PDE4D: variants seen among roughly 807,000 people sequenced by gnomAD.
The protein encoded by PDE4D is 3',5'-cyclic-AMP phosphodiesterase 4D.
PDE4D carries 24 observed loss-of-function variants against 87.4 expected under a neutral mutation model. The observed-to-expected ratio is 0.27, with a 90% CI of 0.20 to 0.39. The LOEUF (loss-of-function observed/expected upper bound fraction) is 0.39. Ranked by LOEUF, PDE4D falls within the 10% of genes least tolerant of loss-of-function variation. The probability of loss-of-function intolerance (pLI) is 1.00; values close to 1 mark genes in which losing one functional copy is unlikely to be tolerated. For synonymous variants in PDE4D, 384 were observed against 383.2 expected, an observed-to-expected ratio of 1.00 and a Z score of -0.02; for missense variants, 714 against 1,041.0, an observed-to-expected ratio of 0.69 and a Z score of 4.32.
intron 1 of PDE4D, among the ~76,000 whole-genome samples, chr5:59,564,382 C>A (rs1437683835): frequency 6.6e-6 from 1 of 152,160 alleles, no homozygotes; most frequent in Non-Finnish European, 1.5e-5. Context: ...CTGCCATGAA[C>A]TTGGAAGTGA....
chr5:60,290,426 G>A (rs1434856885), intron 1 of PDE4D, among the ~76,000 whole-genome samples: 1 of 152,056 alleles, frequency 6.6e-6, no homozygotes, highest in African/African-American at 2.4e-5. Context: ...GACTATAGAC[G>A]AGCAGAGAAT....
intron 1 of PDE4D, among the ~76,000 whole-genome samples, chr5:59,296,901 A>G (rs1012867431): frequency 6.6e-6 from 1 of 152,064 alleles, no homozygotes; most frequent in Non-Finnish European, 1.5e-5. Context: ...TAAATGGAGT[A>G]TTTTTCTCCT....
At chr5:59,253,451 T>C (rs1434418161) in intron 1 of PDE4D, among the ~76,000 whole-genome samples, 1 of 152,094 alleles carries the variant, frequency 6.6e-6, no homozygotes, top group Non-Finnish European at 1.5e-5. Flanking sequence ...AGCATCTTTA[T>C]TACTTCCATT....
chr5:59,503,987 C>T (rs766542856), intron 1 of PDE4D, among the ~76,000 whole-genome samples: 7 of 152,092 alleles, frequency 4.6e-5, no homozygotes, highest in Non-Finnish European at 1.0e-4. Context: ...ATGTCATTTA[C>T]TTTTATATAT....
At chr5:60,337,007 C>A (rs1428349887) in intron 1 of PDE4D, among the ~76,000 whole-genome samples, 1 of 151,852 alleles carries the variant, frequency 6.6e-6, no homozygotes, top group African/African-American at 2.4e-5. Flanking sequence ...AGTTGTAGAA[C>A]TATGATAACT....
intron 1 of PDE4D, among the ~76,000 whole-genome samples, chr5:59,798,826 G>A (rs1342250454): frequency 6.6e-6 from 1 of 152,166 alleles, no homozygotes; most frequent in Non-Finnish European, 1.5e-5. Flanking sequence ...TAAGGAAGGG[G>A]CTCAGTTCTA....
rs116553220 is a variant in PDE4D, at chr5:59,549,767, A to T, written c.456-333799T>A. Reference sequence around the variant, plus strand: ...CAAACACACACATGTACACATGCACAATTTATAAATAAACATCAGGATGTT... The same window carrying T: ...CAAACACACACATGTACACATGCACTATTTATAAATAAACATCAGGATGTT... On this transcript the variant is annotated intron_variant, in intron 1 of 14. Transcript: ENST00000340635. Among the ~76,000 whole-genome samples, 442 of 152,244 alleles carry T rather than the reference A, an allele frequency of 2.9e-3. 5 individuals carry two copies. The highest frequency in any genetic ancestry group is 0.01 in the African/African-American group (417 of 41,534).
chr5:59,848,945 G>A (rs55641022), intron 1 of PDE4D, among the ~76,000 whole-genome samples: 14,062 of 151,976 alleles, frequency 0.093, 2,018 homozygotes, highest in African/African-American at 0.31. Flanking sequence ...CTCCATGGGT[G>A]AGAGATGGAA....
In PDE4D at chr5:59,200,383, A is replaced by G. The variant is rs377166137; in HGVS notation, c.648-6847T>C. 8.0e-4 allele frequency among the ~76,000 whole-genome samples: 35 copies of G among 43,664 alleles called. 1 individual carries two copies. The highest frequency in any genetic ancestry group is 4.2e-3 in the African/African-American group (31 of 7,432). The allele number at this position is 43,664 out of a possible 152,430, so 28.6% of individuals were successfully genotyped here. A position where few individuals can be genotyped will look rare whatever the true frequency, so the allele number is the denominator to read the frequency against. On this transcript the variant is annotated intron_variant, in intron 2 of 14. Transcript: ENST00000340635. ...CGTGTATGTACAGCTACACGTATAC[A>G]TACACGTGTATGTACAGCTACACGT...
intron 1 of PDE4D, among the ~76,000 whole-genome samples, chr5:60,432,969 T>C (rs1435739745): frequency 6.6e-6 from 1 of 152,176 alleles, no homozygotes; most frequent in Non-Finnish European, 1.5e-5. Context: ...TGTAAAATTA[T>C]AAAAACCATT....
At chr5:59,409,062 C>T (rs974455489) in intron 1 of PDE4D, among the ~76,000 whole-genome samples, 7 of 151,496 alleles carry the variant, frequency 4.6e-5, no homozygotes, top group South Asian at 2.1e-4. Flanking sequence ...ACAGGAGAAT[C>T]GCTTGAACCC....
chr5:60,022,638 C>A (rs535976798), intron 2 of PDE4D: 24 of 152,200 alleles, frequency 1.6e-4, no homozygotes, highest in Non-Finnish European at 2.8e-4. Flanking sequence ...TCTCAGCCTG[C>A]GCTCCCAGGC....
intron 2 of PDE4D, among the ~76,000 whole-genome samples, chr5:60,113,610 C>T (rs182510595): frequency 1.3e-5 from 2 of 152,210 alleles, no homozygotes; most frequent in East Asian, 3.9e-4. Flanking sequence ...CCCCCTGAGT[C>T]TCTATGTTCC....
At chr5:60,260,927 C>T (rs961997991) in intron 1 of PDE4D, among the ~76,000 whole-genome samples, 2 of 152,042 alleles carry the variant, frequency 1.3e-5, no homozygotes, top group African/African-American at 4.8e-5. Context: ...CATTGCCAAC[C>T]TTACAAGACA....
At chr5:60,172,043 A>G (rs1783484585) in intron 2 of PDE4D, among the ~76,000 whole-genome samples, 1 of 149,284 alleles carries the variant, frequency 6.7e-6, no homozygotes, top group African/African-American at 2.4e-5. Context: ...TAATCGTATC[A>G]TAGAAAAGTT....
At chr5:60,103,795 C>T (rs183224510) in intron 2 of PDE4D, among the ~76,000 whole-genome samples, 204 of 152,126 alleles carry the variant, frequency 1.3e-3, no homozygotes, top group Middle Eastern at 3.4e-3. Context: ...AGGGAAAAAT[C>T]TAATTTACTT....
chr5:59,600,683 TTTC>T (rs1275712464), intron 1 of PDE4D, among the ~76,000 whole-genome samples: 6 of 152,140 alleles, frequency 3.9e-5, no homozygotes, highest in African/African-American at 1.2e-4. Flanking sequence ...TTTCCTCACT[TTTC>T]TTCTTCTTTC....
At chr5:60,215,740 CTG>C (rs1310704855) in intron 1 of PDE4D, among the ~76,000 whole-genome samples, 1 of 152,118 alleles carries the variant, frequency 6.6e-6, no homozygotes, top group African/African-American at 2.4e-5. Context: ...ATCATAAACT[CTG>C]AGAGATTTGG....
chr5:59,099,179 G>T (rs576403218), intron 5 of PDE4D, among the ~76,000 whole-genome samples: 3 of 152,154 alleles, frequency 2.0e-5, no homozygotes, highest in African/African-American at 7.2e-5. Flanking sequence ...ATGGAATTTG[G>T]TCTAATCCCT....
Sources: allele counts gnomAD v4.1 joint callset (sites outside exome capture counted in the v4.1 genomes callset), GRCh38; gene constraint gnomAD v4.1.1; transcripts MANE v1.5; gene names NCBI Gene and HGNC (gene_info 2026-07-23, HGNC 2026-07-21).